BUB1: variants seen among roughly 807,000 people sequenced by gnomAD.
The protein encoded by BUB1 is mitotic checkpoint serine/threonine-protein kinase BUB1.
BUB1 carries 84 observed loss-of-function variants against 135.2 expected under a neutral mutation model. The ratio of observed to expected loss-of-function variants is 0.62; its 90% confidence interval spans 0.52 to 0.74. BUB1 has a LOEUF of 0.74. Among genes scored for constraint, BUB1 ranks in the 30% least tolerant of loss-of-function variants. The pLI is 0.00. For synonymous variants in BUB1, 403 were observed against 434.4 expected (o/e 0.93, Z 0.90); for missense variants, 1,162 against 1,288.3 (o/e 0.90, Z 1.50).
chr2:110,673,273 T>C (rs1690472060), intron 3 of BUB1, among the ~76,000 whole-genome samples: 1 of 152,212 alleles, frequency 6.6e-6, no homozygotes, highest in African/African-American at 2.4e-5. Flanking sequence ...TCAGTATTCT[T>C]AATAATATCC....
intron 6 of BUB1, 63 bp downstream of exon 6, chr2:110,669,390 C>T: frequency 8.8e-7 from 1 of 1,134,538 alleles, no homozygotes; most frequent in South Asian, 1.2e-5. Flanking sequence ...ATGTAGAAGG[C>T]AGCCAGGCTG....
At chr2:110,645,398 C>T (rs191361492) in intron 19 of BUB1, among the ~76,000 whole-genome samples, 36 of 150,382 alleles carry the variant, frequency 2.4e-4, no homozygotes, top group African/African-American at 7.3e-4. Flanking sequence ...CATAGTACTA[C>T]GGCACTACAC....
rs537071253 is a variant in BUB1, at chr2:110,669,565, A to G, written c.467-12T>C. The G allele has an allele frequency of 1.3e-6, 2 of 1,535,926 alleles. No homozygotes were observed. Among genetic ancestry groups the G allele is most frequent in the South Asian group, 2.2e-5 (2 of 89,320 alleles). ...TTCTGAGGTTCTAGCTATGAGGGAA[A>G]AGAGGATAAAATACGGAGAAATTAA... On this transcript the variant is annotated splice_polypyrimidine_tract_variant and intron_variant, in intron 5 of 24. Transcript: ENST00000302759.
At chr2:110,645,585 A>ATGTG (rs141013722) in intron 19 of BUB1, among the ~76,000 whole-genome samples, 6,356 of 146,656 alleles carry the variant, frequency 0.043, 174 homozygotes, top group Admixed American at 0.11. Context: ...CGTTACGTGT[A>ATGTG]TGTGTGTGTG....
chr2:110,641,554 C>T, intron 21 of BUB1, 88 bp downstream of exon 21: 1 of 1,554,450 alleles, frequency 6.4e-7, no homozygotes, highest in South Asian at 1.2e-5. Flanking sequence ...CACCACTCCA[C>T]AAAAGCCCCA....
intron 13 of BUB1, among the ~76,000 whole-genome samples, chr2:110,657,866 A>G (rs989489639): frequency 8.5e-5 from 13 of 152,350 alleles, no homozygotes; most frequent in South Asian, 4.1e-4. Context: ...TCCCTGCCAC[A>G]TATCAGCAAG....
chr2:110,669,118 T>G (rs558326651), intron 6 of BUB1, among the ~76,000 whole-genome samples: 1 of 152,204 alleles, frequency 6.6e-6, no homozygotes, highest in South Asian at 2.1e-4. Flanking sequence ...AGCCCCCAGG[T>G]GGATCCATTC....
rs1689499196 is a variant in BUB1 at position 110,641,310 on chromosome 2, T to C, written c.2780A>G (p.Asn927Ser). 2 of 1,605,776 alleles carry C rather than the reference T, an allele frequency of 1.2e-6. No individual in the cohort carries two copies. The highest frequency in any genetic ancestry group is 1.3e-5 in the African/African-American group (1 of 74,750). The change falls in exon 22 of 25, where the codon AAC becomes AGC. Residue 927 changes from asparagine to serine, a missense_variant. By Grantham distance (46) the Asn-to-Ser change is conservative. Transcript: ENST00000302759. The stretch of plus-strand genomic sequence containing the variant: ...CTGTTAAAAGCATAACACTTGCCCG[T>C]TTCCAAGTATGAAATTGTCTGGTTT... ...DIKPDNFILGNGFLEQDDEDD... is the reference protein window; with the variant it reads ...DIKPDNFILGSGFLEQDDEDD...
chr2:110,669,600 C>A (rs779011113), intron 5 of BUB1, 47 bp from the exon 6 acceptor site: 1 of 1,257,870 alleles, frequency 7.9e-7, no homozygotes, highest in Non-Finnish European at 1.2e-6. Flanking sequence ...AGGGTAAAAC[C>A]GTAAGTAAAA....
At chr2:110,666,534 A>C in intron 8 of BUB1, 120 bp from the exon 9 acceptor site, 1 of 781,212 alleles carries the variant, frequency 1.3e-6, no homozygotes, top group Non-Finnish European at 1.7e-6. Flanking sequence ...AGTCTTTCTC[A>C]TATTTGGTTT....
At position 110,661,788 on chromosome 2, in the gene BUB1, C is replaced by T. The variant is rs1460478261; in HGVS notation, c.1011G>A (p.Ala337=). ...PSVGSQQELR[A]PCLPVTYQQT... ...GCTGATAGGTTACTGGAAGACATGG[C>T]GCTCTCAGTTCCTGCTGGGAGCCTA... The change falls in exon 10 of 25, where the codon GCG becomes GCA. Residue 337 remains alanine (A), a synonymous_variant. Transcript: ENST00000302759. 7.4e-6 allele frequency: 12 copies of T among 1,614,038 alleles called. No homozygotes were observed. The highest frequency in any genetic ancestry group is 5.0e-5 in the Admixed American group (3 of 60,012).
chr2:110,651,970 C>T (rs1689799187), intron 17 of BUB1, among the ~76,000 whole-genome samples: 1 of 151,864 alleles, frequency 6.6e-6, no homozygotes, highest in Non-Finnish European at 1.5e-5. Flanking sequence ...AACAATGAAA[C>T]TGCCTAAAGA....
At position 110,640,188 on chromosome 2, in the gene BUB1, T is replaced by C. The variant is rs538544258; in HGVS notation, c.2956-340A>G. On this transcript the variant is annotated intron_variant, in intron 23 of 24. Coordinates refer to ENST00000302759, the MANE Select transcript of BUB1 (RefSeq NM_004336.5). ...GCTCACTCCCCTGGGACTCTGGTCGTAGTTCTCTAACTCGCCCCCATGGCC... is the reference window on the plus strand; with the variant it reads ...GCTCACTCCCCTGGGACTCTGGTCGCAGTTCTCTAACTCGCCCCCATGGCC... 5.3e-5 allele frequency among the ~76,000 whole-genome samples: 8 copies of C among 152,276 alleles called. No homozygotes were observed. In the South Asian group the frequency reaches 1.7e-3, roughly 32 times the overall value.
At chr2:110,667,745 T>G (rs2104552559) in intron 7 of BUB1, 40 bp from the exon 8 acceptor site, 1 of 1,610,238 alleles carries the variant, frequency 6.2e-7, no homozygotes. Context: ...ACAATGTACC[T>G]AAGAGCACTT....
chr2:110,676,191 T>C (rs895378375), intron 1 of BUB1, among the ~76,000 whole-genome samples: 1 of 151,572 alleles, frequency 6.6e-6, no homozygotes, highest in Non-Finnish European at 1.5e-5. Context: ...ATTAACCTAT[T>C]TTTTTTTAAT....
chr2:110,669,640 C>G, intron 5 of BUB1, 87 bp from the exon 6 acceptor site: 2 of 794,232 alleles, frequency 2.5e-6, no homozygotes, highest in Non-Finnish European at 4.1e-6. Context: ...CCTGATCCTT[C>G]CAGTAGGAAT....
At chr2:110,671,102 G>A (rs186783825) in intron 4 of BUB1, among the ~76,000 whole-genome samples, 111 of 152,290 alleles carry the variant, frequency 7.3e-4, no homozygotes, top group African/African-American at 2.5e-3. Context: ...ATTTCTGAGC[G>A]ATGCGAGCCA....
intron 10 of BUB1, among the ~76,000 whole-genome samples, chr2:110,660,357 C>T (rs958128102): frequency 6.6e-6 from 1 of 150,530 alleles, no homozygotes; most frequent in Non-Finnish European, 1.5e-5. Context: ...GCCTGGGCAA[C>T]AAGAGCGAGA....
chr2:110,641,600 C>T (rs950129788), intron 21 of BUB1, 42 bp downstream of exon 21: 1 of 1,593,900 alleles, frequency 6.3e-7, no homozygotes, highest in African/African-American at 1.3e-5. Context: ...AGCCAAAAAT[C>T]CATTTTAAAT....
Sources: allele counts gnomAD v4.1 joint callset (sites outside exome capture counted in the v4.1 genomes callset), GRCh38; gene constraint gnomAD v4.1.1; transcripts MANE v1.5; gene names NCBI Gene and HGNC (gene_info 2026-07-23, HGNC 2026-07-21).